The following ZNF37A variants were observed in gnomAD, a reference collection of about 807,000 sequenced individuals.
ZNF37A encodes the protein zinc finger protein 37A, also known as zinc finger protein 37a (KOX 21).
Under a neutral mutation model 12.3 loss-of-function variants are expected in ZNF37A, and 10 were observed. The observed-to-expected ratio is 0.82, with a 90% CI of 0.50 to 1.38. ZNF37A has a LOEUF of 1.38. Ranked by LOEUF, ZNF37A falls within the 40% of genes most tolerant of loss-of-function variation. The pLI is 0.00. For synonymous variants in ZNF37A, 207 were observed against 223.0 expected, an observed-to-expected ratio of 0.93 and a Z score of 0.64; for missense variants, 580 against 651.2, an observed-to-expected ratio of 0.89 and a Z score of 1.19.
At chr10:38,131,914 C>A (rs2070032805) in intron 7 of ZNF37A, among the ~76,000 whole-genome samples, 1 of 152,042 alleles carries the variant, frequency 6.6e-6, no homozygotes, top group Non-Finnish European at 1.5e-5. Flanking sequence ...GGAGTCACTT[C>A]CTAATTTTCT....
At chr10:38,143,584 A>C (rs905461332) in intron 7 of ZNF37A, 14 of 152,220 alleles carry the variant, frequency 9.2e-5, no homozygotes, top group Admixed American at 1.3e-4. Context: ...CATTTTCAGA[A>C]AATGAAGACA....
chr10:38,110,470 C>T (rs1174106300), intron 5 of ZNF37A, among the ~76,000 whole-genome samples: 1 of 152,062 alleles, frequency 6.6e-6, no homozygotes, highest in Non-Finnish European at 1.5e-5. Context: ...GCAACAAATG[C>T]CAAAATTGAC....
Position 38,112,738 on chromosome 10 carries a change from T to TCTCGG in ZNF37A, c.16-2017_16-2016insCTCGG. ...TTCTGTATTTTACATCCATTTTCTTTTCTTTTCTTTTCTTTTCTTTTCTTT... is the reference window on the plus strand; with the variant it reads ...TTCTGTATTTTACATCCATTTTCTTTCTCGGTCTTTTCTTTTCTTTTCTTTTCTTT... On this transcript the variant is annotated intron_variant, in intron 5 of 7. Transcript: ENST00000685332. Among the ~76,000 whole-genome samples the TCTCGG allele has an allele frequency of 1.0e-3, 60 of 58,934 alleles. 2 individuals are homozygous for TCTCGG. Among genetic ancestry groups the TCTCGG allele is most frequent in the Non-Finnish European group, 1.3e-3 (36 of 27,944 alleles). The allele number at this position is 58,934 out of a possible 152,430, so 38.7% of individuals were successfully genotyped here. A position where few individuals can be genotyped will look rare whatever the true frequency, so the allele number is the denominator to read the frequency against.
rs1305055817 is a variant in ZNF37A, at chr10:38,122,647, AC to A, written c.*3815del. The A allele has an allele frequency of 1.3e-5, 2 of 152,150 alleles. No homozygotes were observed. Among genetic ancestry groups the A allele is most frequent in the Admixed American group, 1.3e-4 (2 of 15,274 alleles). 9.4% of individuals were successfully genotyped at this position (152,150 alleles called of 1,614,324 possible). A position where few individuals can be genotyped will look rare whatever the true frequency, so the allele number is the denominator to read the frequency against. On this transcript the variant is annotated 3_prime_UTR_variant, in exon 8 of 8. Transcript: ENST00000685332. ...TCCATATGCAGAAGAATGAAACTAG[AC>A]CCCCATCTCTTAGCATATACAAAAA... is the stretch of plus-strand genomic sequence containing the variant.
intron 5 of ZNF37A, among the ~76,000 whole-genome samples, chr10:38,112,776 T>TCGGTC (rs1427272239): frequency 1.5e-5 from 2 of 137,110 alleles, no homozygotes; most frequent in African/African-American, 2.9e-5. Flanking sequence ...TTTTCTTTTC[T>TCGGTC]TTTCTTTTCT....
At chr10:38,105,371 C>T (rs2067977437) in intron 5 of ZNF37A, among the ~76,000 whole-genome samples, 1 of 152,174 alleles carries the variant, frequency 6.6e-6, no homozygotes. Context: ...CTTAGATCAC[C>T]ATTCCTGGAA....
intron 5 of ZNF37A, among the ~76,000 whole-genome samples, chr10:38,112,522 CT>C (rs1469331464): frequency 1.3e-5 from 2 of 150,840 alleles, no homozygotes; most frequent in African/African-American, 4.9e-5. Flanking sequence ...GTACACAGTG[CT>C]CTTGATTGCC....
In ZNF37A at chr10:38,124,566, T is replaced by C. The variant is rs941788957; in HGVS notation, c.*5729T>C. ...AAATATATCATGTACCCCATAGATATATACACCTAGTATGTACCCACAAAA... is the reference window on the plus strand; with the variant it reads ...AAATATATCATGTACCCCATAGATACATACACCTAGTATGTACCCACAAAA... On this transcript the variant is annotated 3_prime_UTR_variant, in exon 8 of 8. Transcript: ENST00000685332. 2.0e-5 allele frequency: 3 copies of C among 152,164 alleles called. No individual in the cohort carries two copies. The highest frequency in any genetic ancestry group is 6.5e-5 in the Admixed American group (1 of 15,268). 9.4% of individuals were successfully genotyped at this position (152,164 alleles called of 1,614,324 possible).
chr10:38,099,750 T>C (rs1265090301), intron 5 of ZNF37A, among the ~76,000 whole-genome samples: 4 of 152,228 alleles, frequency 2.6e-5, no homozygotes, highest in African/African-American at 9.6e-5. Flanking sequence ...TTGTGCAGGA[T>C]TCTGATTTCT....
In ZNF37A at chr10:38,122,876, A is replaced by G. The variant is rs1196214645; in HGVS notation, c.*4039A>G. On this transcript the variant is annotated 3_prime_UTR_variant, in exon 8 of 8. Transcript: ENST00000685332. ...CATTGCAAAGGAAATAACAAAGTGA[A>G]GAGACAACCCATAGAATGTGAGATA... is the stretch of plus-strand genomic sequence containing the variant. 6.6e-6 allele frequency: 1 copy of G among 152,252 alleles called. No individual in the cohort carries two copies. Among genetic ancestry groups the G allele is most frequent in the Non-Finnish European group, 1.5e-5 (1 of 68,042 alleles). The allele number at this position is 152,252 out of a possible 1,614,324, so 9.4% of individuals were successfully genotyped here.
rs144422974 is a variant in ZNF37A at position 38,134,795 on chromosome 10, G to T, written c.239-11937G>T. On this transcript the variant is annotated intron_variant, in intron 7 of 7. Coordinates refer to the ZNF37A transcript ENST00000638053. Reference sequence around the variant, plus strand: ...ATTCTCAGATCTCAAACTCTGTGCTGGGAGGACCACTACTGTCTTCGAAGC... The same window carrying T: ...ATTCTCAGATCTCAAACTCTGTGCTTGGAGGACCACTACTGTCTTCGAAGC... 5.8e-3 allele frequency among the ~76,000 whole-genome samples: 890 copies of T among 152,290 alleles called. 9 individuals carry two copies. The highest frequency in any genetic ancestry group is 0.02 in the African/African-American group (843 of 41,562).
chr10:38,106,449 C>A (rs549161397), intron 5 of ZNF37A, among the ~76,000 whole-genome samples: 1 of 152,276 alleles, frequency 6.6e-6, no homozygotes, highest in African/African-American at 2.4e-5. Flanking sequence ...CTCCAACACA[C>A]TCCTCCACAC....
chr10:38,138,122 T>G (rs1360146238), intron 7 of ZNF37A: 2 of 152,252 alleles, frequency 1.3e-5, no homozygotes, highest in Non-Finnish European at 2.9e-5. Flanking sequence ...TATGCAGCAC[T>G]GTGGTCCCAC....
chr10:38,112,783 T>TCTTGG lies in ZNF37A; in HGVS notation c.16-1972_16-1971insCTTGG, dbSNP rs1564932429. On this transcript the variant is annotated intron_variant, in intron 5 of 7. Transcript: ENST00000685332. ...TTCTTTTCTTTTCTTTTCTTTTCTT[T>TCTTGG]TCTTTTCTTTTCTTGTCTTGTCTTG... Among the ~76,000 whole-genome samples, 71 of 57,898 alleles carry TCTTGG rather than the reference T, an allele frequency of 1.2e-3. 11 individuals carry two copies. Among genetic ancestry groups the TCTTGG allele is most frequent in the African/African-American group, 2.1e-3 (34 of 16,326 alleles). 38.0% of individuals were successfully genotyped at this position (57,898 alleles called of 152,430 possible). A position where few individuals can be genotyped will look rare whatever the true frequency, so the allele number is the denominator to read the frequency against.
At chr10:38,132,598 A>G (rs1170737069) in intron 7 of ZNF37A, among the ~76,000 whole-genome samples, 1 of 152,166 alleles carries the variant, frequency 6.6e-6, no homozygotes, top group African/African-American at 2.4e-5. Context: ...TCAACACTTT[A>G]TTATAAAATA....
chr10:38,117,902 T>G lies in ZNF37A; in HGVS notation c.751T>G (p.Phe251Val). Residue 251 changes from phenylalanine to valine, a missense_variant, in exon 8 of 8, where the codon TTT (phenylalanine) becomes GTT (valine). By Grantham distance (50) the Phe-to-Val change is conservative. Coordinates refer to ENST00000685332, the MANE Select transcript of ZNF37A (RefSeq NM_001324250.3). ...NIIEYNECGT[F>V]FSEKLVLHLQ... is the part of the protein sequence containing the mutation. Reference sequence around the variant, plus strand: ...TATTGAATATAATGAGTGTGGAACATTTTTCAGTGAAAAATTAGTCCTTCA... The same window carrying G: ...TATTGAATATAATGAGTGTGGAACAGTTTTCAGTGAAAAATTAGTCCTTCA... 1 of 1,613,808 alleles carries G rather than the reference T, an allele frequency of 6.2e-7. No homozygotes were observed. Among genetic ancestry groups the G allele is most frequent in the Non-Finnish European group, 8.5e-7 (1 of 1,179,928 alleles).
At chr10:38,116,607 T>C (rs543193238) in intron 7 of ZNF37A, among the ~76,000 whole-genome samples, 7 of 152,262 alleles carry the variant, frequency 4.6e-5, no homozygotes, top group East Asian at 3.9e-4. Flanking sequence ...TGTAAAGATA[T>C]GTTTACTTCA....
At chr10:38,125,149 ATAAAT>A (rs1421809393), downstream of ZNF37A, 2 of 152,222 alleles carry the variant, frequency 1.3e-5, no homozygotes, top group African/African-American at 2.4e-5. Flanking sequence ...ACATACAAAA[ATAAAT>A]TTAATGCACT....
In ZNF37A at chr10:38,113,571, C is replaced by T. The variant is rs1590884042; in HGVS notation, c.16-1184C>T. 3.9e-5 allele frequency among the ~76,000 whole-genome samples: 6 copies of T among 152,264 alleles called. No homozygotes were observed. The South Asian group carries it at 1.0e-3, about 26-fold the overall frequency. Reference sequence around the variant, plus strand: ...GTCTTATTGTCACTCTGCACTCTCCCCTCCTGCAACACCCACCCTCCTGGT... The same window carrying T: ...GTCTTATTGTCACTCTGCACTCTCCTCTCCTGCAACACCCACCCTCCTGGT... On this transcript the variant is annotated intron_variant, in intron 5 of 7. Transcript: ENST00000685332.
Sources: allele counts gnomAD v4.1 joint callset (sites outside exome capture counted in the v4.1 genomes callset), GRCh38; gene constraint gnomAD v4.1.1; transcripts MANE v1.5; gene names NCBI Gene and HGNC (gene_info 2026-07-23, HGNC 2026-07-21).